FGF13: variants seen among roughly 807,000 people sequenced by gnomAD.
The protein encoded by FGF13 is fibroblast growth factor 13.
In FGF13, 2 loss-of-function variants were observed where a neutral mutation model predicts 19.5. The observed-to-expected ratio is 0.10, with a 90% confidence interval of 0.04 to 0.32. The LOEUF is 0.32. FGF13 is among the 10% of genes least tolerant of loss of function. The probability of loss-of-function intolerance (pLI) is 1.00; values close to 1 mark genes in which losing one functional copy is unlikely to be tolerated. For missense variants in FGF13, 113 were observed against 192.7 expected (o/e 0.59, Z 2.45); for synonymous variants, 72 against 76.9 (o/e 0.94, Z 0.33).
At chrX:138,781,044 A>G (rs1340135710) in intron 3 of FGF13, among the ~76,000 whole-genome samples, 1 of 111,411 alleles carries the variant, frequency 9.0e-6, no homozygotes, top group African/African-American at 3.3e-5. Context: ...ATGGAAACTG[A>G]ACAACCTGCT....
intron 3 of FGF13, among the ~76,000 whole-genome samples, chrX:138,755,788 A>G (rs1488386266): frequency 8.9e-6 from 1 of 112,260 alleles, no homozygotes; most frequent in Non-Finnish European, 1.9e-5. Context: ...GAAAAGAATC[A>G]GGGCTCTCTG....
At chrX:138,908,705 C>T (rs139236731) in intron 1 of FGF13, among the ~76,000 whole-genome samples, 4 of 111,821 alleles carry the variant, frequency 3.6e-5, no homozygotes, top group Admixed American at 9.5e-5. Flanking sequence ...GTGCTGCGGG[C>T]GCTAATCCTT....
At chrX:138,917,377 G>A (rs1029691185) in intron 1 of FGF13, among the ~76,000 whole-genome samples, 1 of 112,012 alleles carries the variant, frequency 8.9e-6, no homozygotes, top group Non-Finnish European at 1.9e-5. Flanking sequence ...TGAAGGTACA[G>A]CAAGAAGGTA....
intron 3 of FGF13, among the ~76,000 whole-genome samples, chrX:138,840,777 C>G (rs1432869133): frequency 3.6e-5 from 4 of 111,669 alleles, no homozygotes; most frequent in African/African-American, 1.3e-4. Context: ...GGGTGGTGGT[C>G]TACCAACCAA....
chrX:138,781,532 CAA>C, intron 3 of FGF13, among the ~76,000 whole-genome samples: 1 of 109,654 alleles, frequency 9.1e-6, no homozygotes, highest in Middle Eastern at 4.7e-3. Flanking sequence ...GAGAATACTA[CAA>C]ACACCTCTAC....
At chrX:138,957,220 G>C (rs1397401425) in intron 1 of FGF13, among the ~76,000 whole-genome samples, 2 of 111,973 alleles carry the variant, frequency 1.8e-5, no homozygotes, top group Non-Finnish European at 3.8e-5. Context: ...AGACCATGTT[G>C]TAGTGAGAAG....
chrX:138,992,228 G>A (rs2092019785), intron 1 of FGF13, among the ~76,000 whole-genome samples: 1 of 110,494 alleles, frequency 9.1e-6, no homozygotes. Flanking sequence ...TTATATTTGG[G>A]GGATATTAGT....
intron 1 of FGF13, among the ~76,000 whole-genome samples, chrX:139,045,034 G>A (rs1479419393): frequency 1.8e-5 from 2 of 112,419 alleles, no homozygotes; most frequent in South Asian, 7.4e-4. Flanking sequence ...CCTGCAGCAG[G>A]CTTCTCCCTG....
intron 3 of FGF13, among the ~76,000 whole-genome samples, chrX:138,816,440 G>A (rs973077136): frequency 8.9e-6 from 1 of 111,881 alleles, no homozygotes; most frequent in African/African-American, 3.3e-5. Context: ...TATGTATTTT[G>A]ACCCAGCAAT....
intron 3 of FGF13, among the ~76,000 whole-genome samples, chrX:138,635,912 A>C (rs17510263): frequency 7.1e-5 from 8 of 112,474 alleles, no homozygotes; most frequent in African/African-American, 2.6e-4. Flanking sequence ...AGGTAATGGG[A>C]ACATTAGAAC....
intron 1 of FGF13, among the ~76,000 whole-genome samples, chrX:139,088,658 T>A (rs1332890697): frequency 1.8e-5 from 2 of 111,223 alleles, no homozygotes; most frequent in South Asian, 3.8e-4. Context: ...CCTCTCACAA[T>A]CTCCAATTCA....
intron 3 of FGF13, among the ~76,000 whole-genome samples, chrX:138,812,065 C>T (rs1056467177): frequency 9.1e-6 from 1 of 110,241 alleles, no homozygotes; most frequent in Non-Finnish European, 1.9e-5. Flanking sequence ...TTAGCAATCA[C>T]TCTCCATCCC....
intron 1 of FGF13, among the ~76,000 whole-genome samples, chrX:139,088,108 C>T (rs993786950): frequency 2.7e-5 from 3 of 111,745 alleles, no homozygotes; most frequent in Non-Finnish European, 5.6e-5. Context: ...GTATGTTATT[C>T]CTGCAAAATG....
At chrX:138,839,541 G>A (rs2091135763) in intron 3 of FGF13, among the ~76,000 whole-genome samples, 1 of 111,597 alleles carries the variant, frequency 9.0e-6, no homozygotes. Context: ...ACAGAAAAAG[G>A]AAAGTGAAAA....
chrX:139,152,153 T>C (rs983128201), intron 1 of FGF13, among the ~76,000 whole-genome samples: 1 of 109,807 alleles, frequency 9.1e-6, no homozygotes, highest in Non-Finnish European at 1.9e-5. Flanking sequence ...TCCCTGAAGA[T>C]GGAAAACACA....
intron 1 of FGF13, among the ~76,000 whole-genome samples, chrX:139,161,996 C>T (rs1464748321): frequency 8.9e-6 from 1 of 111,900 alleles, no homozygotes; most frequent in Non-Finnish European, 1.9e-5. Flanking sequence ...AGATTCAATG[C>T]TATTCCCATC....
intron 1 of FGF13, among the ~76,000 whole-genome samples, chrX:139,104,429 C>T (rs184884165): frequency 1.4e-3 from 152 of 110,400 alleles, no homozygotes; most frequent in Middle Eastern, 4.6e-3. Context: ...GAAATGTGGC[C>T]TTTGGCTACC....
At chrX:138,821,809 C>A (rs73241076) in intron 3 of FGF13, among the ~76,000 whole-genome samples, 3 of 110,685 alleles carry the variant, frequency 2.7e-5, no homozygotes, top group Non-Finnish European at 5.7e-5. Flanking sequence ...GGATCAATGG[C>A]GATAAAATTG....
At chrX:139,065,253 G>A (rs1179350387) in intron 1 of FGF13, among the ~76,000 whole-genome samples, 5 of 110,175 alleles carry the variant, frequency 4.5e-5, no homozygotes, top group African/African-American at 1.7e-4. Flanking sequence ...CAACTAATGG[G>A]CAAAATAACC....
Sources: gnomAD v4.1 joint callset for allele counts (sites outside exome capture counted in the v4.1 genomes callset) on GRCh38, gnomAD v4.1.1 for gene constraint, MANE v1.5 for transcripts, NCBI Gene and HGNC (gene_info 2026-07-23, HGNC 2026-07-21) for gene names.